Variants in SGCD observed in about 807,000 individuals in gnomAD.
The protein encoded by SGCD is sarcoglycan delta, also known as delta-sarcoglycan.
In SGCD, 18 loss-of-function variants were observed where a neutral mutation model predicts 36.6. The ratio of observed to expected loss-of-function variants is 0.49; its 90% CI spans 0.34 to 0.73. SGCD has a LOEUF of 0.73. SGCD is among the 30% of genes least tolerant of loss of function. The pLI is 0.01. For missense variants in SGCD, 387 were observed against 346.7 expected, an observed-to-expected ratio of 1.12 and a Z score of -0.92; for synonymous variants, 133 against 130.6, an observed-to-expected ratio of 1.02 and a Z score of -0.12.
Position 156,757,708 on chromosome 5 carries a change from A to G in SGCD, c.699+4A>G. ...ACTGGAATCCAAAGATGGAGAGGTG[A>G]GGGATGAGAAGGACAGAAGTTCAAA... On this transcript the variant is annotated splice_donor_region_variant and intron_variant, in intron 8 of 8. Coordinates refer to ENST00000337851, the MANE Select transcript of SGCD (RefSeq NM_000337.6). The G allele has an allele frequency of 6.2e-7, 1 of 1,600,534 alleles. No individual in the cohort carries two copies. The highest frequency in any genetic ancestry group is 8.5e-7 in the Non-Finnish European group (1 of 1,173,450).
At chr5:156,375,688 A>G (rs964022510) in intron 3 of SGCD, among the ~76,000 whole-genome samples, 1 of 152,214 alleles carries the variant, frequency 6.6e-6, no homozygotes, top group Non-Finnish European at 1.5e-5. Flanking sequence ...TCACTCCTTG[A>G]AGATGTACAA....
At chr5:156,116,161 T>TG (rs1477742244) in intron 1 of SGCD, among the ~76,000 whole-genome samples, 1 of 152,104 alleles carries the variant, frequency 6.6e-6, no homozygotes, top group Non-Finnish European at 1.5e-5. Flanking sequence ...GTTTTTCTAT[T>TG]ATTTACCATT....
chr5:156,185,372 G>T (rs1370309980), intron 3 of SGCD, among the ~76,000 whole-genome samples: 1 of 148,998 alleles, frequency 6.7e-6, no homozygotes, highest in Non-Finnish European at 1.5e-5. Context: ...CCGCCACCAT[G>T]CCCGGCAAAT....
intron 4 of SGCD, among the ~76,000 whole-genome samples, chr5:156,523,296 C>T (rs1326295176): frequency 1.3e-5 from 2 of 152,118 alleles, no homozygotes; most frequent in Non-Finnish European, 2.9e-5. Flanking sequence ...ATTTCCCTCT[C>T]ATGAGGAATA....
rs534244447 is a variant in SGCD at position 156,041,500 on chromosome 5, G to A, written c.-281-76378G>A. 4.4e-4 allele frequency among the ~76,000 whole-genome samples: 67 copies of A among 152,312 alleles called. 1 individual carries two copies. The highest frequency in any genetic ancestry group is 2.7e-3 in the South Asian group (13 of 4,832). On this transcript the variant is annotated intron_variant, in intron 1 of 9. Transcript: ENST00000517913. ...GGAGAGGAGGGCCTGAAGGAAGAAT[G>A]TTCTGCCTAAAGTAGAGATCGAGTT...
chr5:156,149,142 A>G (rs111891303), intron 3 of SGCD, among the ~76,000 whole-genome samples: 4 of 152,312 alleles, frequency 2.6e-5, no homozygotes, highest in African/African-American at 9.6e-5. Flanking sequence ...GGTACATAGT[A>G]GGTATATGTA....
At chr5:155,993,487 G>T (rs1758477501) in intron 1 of SGCD, among the ~76,000 whole-genome samples, 1 of 151,854 alleles carries the variant, frequency 6.6e-6, no homozygotes, top group Admixed American at 6.6e-5. Flanking sequence ...TGAGATTAAA[G>T]GCAGCACCAC....
chr5:156,056,979 C>T (rs1760081682), intron 1 of SGCD, among the ~76,000 whole-genome samples: 1 of 146,188 alleles, frequency 6.8e-6, no homozygotes, highest in Admixed American at 6.8e-5. Flanking sequence ...TCCCTAAGTA[C>T]GTTTGAAATA....
the SGCD span, among the ~76,000 whole-genome samples, chr5:155,834,140 G>C: frequency 6.6e-6 from 1 of 151,990 alleles, no homozygotes; most frequent in East Asian, 1.9e-4. Flanking sequence ...AATGTCACTT[G>C]CTTTATTTTG....
At chr5:156,557,808 T>C (rs1023477983) in intron 4 of SGCD, among the ~76,000 whole-genome samples, 2 of 152,004 alleles carry the variant, frequency 1.3e-5, no homozygotes, top group Admixed American at 6.6e-5. Context: ...TCCTCTTATA[T>C]TGTGGGCAGG....
chr5:156,355,204 T>C (rs1270889792), intron 3 of SGCD, among the ~76,000 whole-genome samples: 2 of 152,198 alleles, frequency 1.3e-5, no homozygotes, highest in Non-Finnish European at 2.9e-5. Flanking sequence ...GTAAGGCCTG[T>C]GAACCAAAAA....
At chr5:156,525,337 C>G (rs185836007) in intron 4 of SGCD, among the ~76,000 whole-genome samples, 1 of 152,124 alleles carries the variant, frequency 6.6e-6, no homozygotes, top group African/African-American at 2.4e-5. Context: ...TGCTGAACAC[C>G]TTTTCATATA....
At chr5:156,294,247 GT>G (rs1194053165) in intron 3 of SGCD, among the ~76,000 whole-genome samples, 1 of 151,900 alleles carries the variant, frequency 6.6e-6, no homozygotes, top group East Asian at 1.9e-4. Context: ...AATATTTAGG[GT>G]TTTCTACATA....
At chr5:156,047,215 C>A (rs535394990) in intron 1 of SGCD, among the ~76,000 whole-genome samples, 1 of 152,246 alleles carries the variant, frequency 6.6e-6, no homozygotes, top group African/African-American at 2.4e-5. Context: ...GAAACCAACT[C>A]CATCACATAA....
At chr5:156,333,622 C>A (rs1003885619) in intron 2 of SGCD, among the ~76,000 whole-genome samples, 1 of 151,870 alleles carries the variant, frequency 6.6e-6, no homozygotes, top group Non-Finnish European at 1.5e-5. Context: ...ATTACTTAAC[C>A]ACTCTTTCTC....
At chr5:156,624,906 T>C (rs1197385061) in intron 6 of SGCD, among the ~76,000 whole-genome samples, 1 of 152,220 alleles carries the variant, frequency 6.6e-6, no homozygotes, top group East Asian at 1.9e-4. Flanking sequence ...AACTGACATG[T>C]GATCACATCT....
chr5:156,339,950 C>T (rs1381493318), intron 2 of SGCD, among the ~76,000 whole-genome samples: 1 of 152,122 alleles, frequency 6.6e-6, no homozygotes, highest in African/African-American at 2.4e-5. Flanking sequence ...CAGCTATATG[C>T]CATTATCACT....
chr5:156,104,185 T>TAAGA (rs1241982732), intron 1 of SGCD, among the ~76,000 whole-genome samples: 1 of 152,188 alleles, frequency 6.6e-6, no homozygotes, highest in Non-Finnish European at 1.5e-5. Flanking sequence ...AAAGAATTTG[T>TAAGA]AAGACTCTTA....
At chr5:156,743,406 C>T (rs181820902) in intron 7 of SGCD, among the ~76,000 whole-genome samples, 111 of 152,302 alleles carry the variant, frequency 7.3e-4, no homozygotes, top group African/African-American at 2.6e-3. Context: ...ACCACCGCGC[C>T]CAGCCTTGCC....
Sources: allele counts gnomAD v4.1 joint callset (sites outside exome capture counted in the v4.1 genomes callset), GRCh38; gene constraint gnomAD v4.1.1; transcripts MANE v1.5; gene names NCBI Gene and HGNC (gene_info 2026-07-23, HGNC 2026-07-21).